SESTD1: variants seen among roughly 807,000 people sequenced by gnomAD.
SESTD1 encodes the protein SEC14 and spectrin domain containing 1.
In SESTD1, 43 loss-of-function variants were observed where a neutral mutation model predicts 101.7. The ratio of observed to expected loss-of-function variants is 0.42; its 90% CI spans 0.33 to 0.55. The LOEUF is 0.55. Among genes scored for constraint, SESTD1 ranks in the 20% least tolerant of loss-of-function variants. The probability of loss-of-function intolerance (pLI) is 0.07; values close to 1 mark genes in which losing one functional copy is unlikely to be tolerated. For missense variants in SESTD1, 647 were observed against 815.1 expected, an observed-to-expected ratio of 0.79 and a Z score of 2.51; for synonymous variants, 283 against 286.8, an observed-to-expected ratio of 0.99 and a Z score of 0.13.
At chr2:179,245,877 CAACT>C (rs1030502421) in intron 1 of SESTD1, among the ~76,000 whole-genome samples, 4 of 152,014 alleles carry the variant, frequency 2.6e-5, no homozygotes, top group African/African-American at 9.7e-5. Context: ...AAACATCACC[CAACT>C]AATTGCTCCC....
At chr2:179,139,731 T>A (rs1413357877) in intron 9 of SESTD1, among the ~76,000 whole-genome samples, 3 of 152,158 alleles carry the variant, frequency 2.0e-5, no homozygotes, top group Non-Finnish European at 4.4e-5. Context: ...GACTCACCAA[T>A]GATGCAGTTT....
chr2:179,240,699 C>T (rs1275768134), intron 1 of SESTD1, among the ~76,000 whole-genome samples: 1 of 152,176 alleles, frequency 6.6e-6, no homozygotes, highest in East Asian at 1.9e-4. Flanking sequence ...CTCACCCATG[C>T]CAGAAGGTCA....
chr2:179,219,398 G>A (rs917229545), intron 1 of SESTD1, among the ~76,000 whole-genome samples: 2 of 152,178 alleles, frequency 1.3e-5, no homozygotes, highest in Non-Finnish European at 2.9e-5. Flanking sequence ...ACCCATTAGG[G>A]TAGCGTAGGG....
At chr2:179,246,875 G>A (rs896020829) in intron 1 of SESTD1, among the ~76,000 whole-genome samples, 1 of 152,210 alleles carries the variant, frequency 6.6e-6, no homozygotes. Context: ...CAGAGTGAAA[G>A]TAGGTTAATG....
intron 1 of SESTD1, among the ~76,000 whole-genome samples, chr2:179,222,886 T>C (rs909820714): frequency 6.6e-6 from 1 of 152,150 alleles, no homozygotes. Context: ...CATTGTCACA[T>C]AATAAAATCA....
intron 1 of SESTD1, among the ~76,000 whole-genome samples, chr2:179,246,124 G>A (rs971467956): frequency 1.3e-5 from 2 of 151,898 alleles, no homozygotes; most frequent in Non-Finnish European, 2.9e-5. Context: ...GTGTGGTGGC[G>A]TGCGCCTGTA....
intron 5 of SESTD1, among the ~76,000 whole-genome samples, chr2:179,165,028 G>A (rs907411683): frequency 1.3e-5 from 2 of 151,958 alleles, no homozygotes; most frequent in African/African-American, 4.8e-5. Context: ...GCAATTAAAC[G>A]AGCATCTATG....
At chr2:179,231,171 AC>A (rs1472129734) in intron 1 of SESTD1, among the ~76,000 whole-genome samples, 1 of 152,220 alleles carries the variant, frequency 6.6e-6, no homozygotes. Context: ...TAAGAAATCC[AC>A]TAAAAGCTGA....
intron 1 of SESTD1, among the ~76,000 whole-genome samples, chr2:179,234,465 C>T (rs1290214911): frequency 6.6e-6 from 1 of 152,080 alleles, no homozygotes; most frequent in Non-Finnish European, 1.5e-5. Context: ...GACTCTGAAA[C>T]ACTTATTGCC....
intron 5 of SESTD1, among the ~76,000 whole-genome samples, chr2:179,171,723 A>C (rs1284858894): frequency 6.6e-6 from 1 of 152,214 alleles, no homozygotes; most frequent in East Asian, 1.9e-4. Flanking sequence ...TTCATGTATT[A>C]AAACTGGCCA....
chr2:179,200,432 A>G (rs1164522210), intron 1 of SESTD1, among the ~76,000 whole-genome samples: 1 of 151,498 alleles, frequency 6.6e-6, no homozygotes, highest in Admixed American at 6.6e-5. Flanking sequence ...TTTAAAGTTC[A>G]TATGGAACCA....
chr2:179,228,612 T>C (rs2046926873), intron 1 of SESTD1, among the ~76,000 whole-genome samples: 1 of 152,152 alleles, frequency 6.6e-6, no homozygotes, highest in African/African-American at 2.4e-5. Flanking sequence ...AGTAACCTAC[T>C]CTGGTTTCAG....
rs2047276457 is a variant in SESTD1, at chr2:179,249,116, A to G, written c.-26+15383T>C. Among the ~76,000 whole-genome samples the G allele has an allele frequency of 3.4e-5, 5 of 148,954 alleles. No individual in the cohort carries two copies. In the South Asian group the frequency reaches 1.1e-3, roughly 32 times the overall value. ...TAAGAAAAAAAAAAAAAAAAAAAGC[A>G]TGGCAAGTATGTCTACTTTCACCAA... On this transcript the variant is annotated intron_variant, in intron 1 of 17. Transcript: ENST00000428443.
chr2:179,148,465 A>G (rs2045442785), intron 7 of SESTD1, among the ~76,000 whole-genome samples: 1 of 152,232 alleles, frequency 6.6e-6, no homozygotes, highest in African/African-American at 2.4e-5. Context: ...AAATCTAGGT[A>G]GTTACATTCA....
At chr2:179,198,288 C>A (rs2046437967) in intron 1 of SESTD1, among the ~76,000 whole-genome samples, 1 of 152,146 alleles carries the variant, frequency 6.6e-6, no homozygotes, top group Non-Finnish European at 1.5e-5. Context: ...AATACAGGAG[C>A]ACCCAGATTC....
intron 2 of SESTD1, among the ~76,000 whole-genome samples, chr2:179,186,747 G>C (rs2046239118): frequency 6.7e-6 from 1 of 150,210 alleles, no homozygotes; most frequent in Admixed American, 6.6e-5. Flanking sequence ...GAGTGCAGTG[G>C]CGCGATCTTG....
chr2:179,161,484 A>C (rs2045735087), intron 5 of SESTD1, among the ~76,000 whole-genome samples: 1 of 152,032 alleles, frequency 6.6e-6, no homozygotes, highest in Non-Finnish European at 1.5e-5. Flanking sequence ...AACATGGTGA[A>C]ACCCTGTCTC....
rs143258062 is a variant in SESTD1, at chr2:179,248,367, A to G, written c.-26+16132T>C. On this transcript the variant is annotated intron_variant, in intron 1 of 17. Transcript: ENST00000428443. ...AATACTTTAAAAGGAATTAACACCA[A>G]TTCTACACCAGATACAGAAGAGGAG... Among the ~76,000 whole-genome samples, 308 of 152,274 alleles carry G rather than the reference A, an allele frequency of 2.0e-3. 1 individual carries two copies. The highest frequency in any genetic ancestry group is 6.9e-3 in the African/African-American group (286 of 41,558).
At chr2:179,231,327 A>G (rs1224620927) in intron 1 of SESTD1, among the ~76,000 whole-genome samples, 1 of 152,162 alleles carries the variant, frequency 6.6e-6, no homozygotes, top group African/African-American at 2.4e-5. Context: ...AAAATGGAAA[A>G]AGAGAAAAAG....
Sources: allele counts gnomAD v4.1 joint callset (sites outside exome capture counted in the v4.1 genomes callset), GRCh38; gene constraint gnomAD v4.1.1; transcripts MANE v1.5; gene names NCBI Gene and HGNC (gene_info 2026-07-23, HGNC 2026-07-21).